Variants in ITGBL1 observed in about 807,000 individuals in gnomAD.
The protein encoded by ITGBL1 is integrin beta-like protein 1.
ITGBL1 carries 51 observed loss-of-function variants against 68.5 expected under a neutral mutation model. That is an observed-to-expected ratio of 0.74 (90% confidence interval 0.59 to 0.94). The LOEUF is 0.94. Ranked by LOEUF, ITGBL1 falls within the 40% of genes least tolerant of loss-of-function variation. The pLI, the probability that ITGBL1 is intolerant of heterozygous loss-of-function variation, is 0.00. For synonymous variants in ITGBL1, 209 were observed against 227.3 expected, an observed-to-expected ratio of 0.92 and a Z score of 0.72; for missense variants, 649 against 647.4, an observed-to-expected ratio of 1.00 and a Z score of -0.03.
intron 2 of ITGBL1, among the ~76,000 whole-genome samples, chr13:101,473,225 A>G (rs1413439975): frequency 6.6e-6 from 1 of 152,186 alleles, no homozygotes; most frequent in Non-Finnish European, 1.5e-5. Flanking sequence ...CCCGGTTTCA[A>G]TACCATATCA....
At chr13:101,664,887 C>T (rs1390194962) in intron 7 of ITGBL1, among the ~76,000 whole-genome samples, 3 of 152,222 alleles carry the variant, frequency 2.0e-5, no homozygotes, top group Admixed American at 1.3e-4. Context: ...GCACCCACCA[C>T]CACACTCAGC....
chr13:101,474,305 AAT>A lies in ITGBL1; in HGVS notation c.316+20206_316+20207del, dbSNP rs2048504360. Among the ~76,000 whole-genome samples, 10 of 151,938 alleles carry A rather than the reference AAT, an allele frequency of 6.6e-5. No individual in the cohort carries two copies. In the South Asian group the frequency reaches 2.1e-3, roughly 32 times the overall value. On this transcript the variant is annotated intron_variant, in intron 2 of 10. Transcript: ENST00000376180. ...ACATTGGTACCAAGCCTGGGGTGGT[AAT>A]GGCCATGGATAGACACTCTTTCTGA...
chr13:101,583,273 G>A lies in ITGBL1; in HGVS notation c.785G>A (p.Gly262Glu), dbSNP rs1158852212. The A allele has an allele frequency of 1.1e-5, 18 of 1,613,568 alleles. No individual in the cohort carries two copies. The highest frequency in any genetic ancestry group is 6.7e-5 in the African/African-American group (5 of 74,868). Reference protein sequence around the residue: ...CHDVDPTGDWGDIHGDTCECD... With the variant: ...CHDVDPTGDWEDIHGDTCECD... ...GATGTTGATCCGACTGGGGACTGGGGAGATATTCATGGGGACACCTGTGAA... is the reference window on the plus strand; with the variant it reads ...GATGTTGATCCGACTGGGGACTGGGAAGATATTCATGGGGACACCTGTGAA... The change falls in exon 6 of 11, where the codon GGA becomes GAA. Residue 262 changes from glycine (G) to glutamate (E), a missense_variant. Physicochemically the swap from Gly to Glu is moderately conservative, Grantham distance 98. Coordinates refer to ENST00000376180, the MANE Select transcript of ITGBL1 (RefSeq NM_004791.3).
chr13:101,593,174 A>G (rs1439896768), intron 6 of ITGBL1, among the ~76,000 whole-genome samples: 1 of 152,100 alleles, frequency 6.6e-6, no homozygotes, highest in African/African-American at 2.4e-5. Context: ...ACTAATTGTC[A>G]GGGAAATGCA....
intron 7 of ITGBL1, among the ~76,000 whole-genome samples, chr13:101,674,712 T>A (rs964034071): frequency 6.6e-6 from 1 of 152,054 alleles, no homozygotes; most frequent in Non-Finnish European, 1.5e-5. Flanking sequence ...TATTTCTGGG[T>A]TCAAAGTTCA....
chr13:101,713,740 A>G (rs2034586559), intron 9 of ITGBL1: 1 of 152,150 alleles, frequency 6.6e-6, no homozygotes, highest in African/African-American at 2.4e-5. Flanking sequence ...TTAAATAACC[A>G]AAGAGGAAGT....
intron 7 of ITGBL1, among the ~76,000 whole-genome samples, chr13:101,678,942 G>A (rs1052839376): frequency 1.3e-5 from 2 of 150,182 alleles, no homozygotes; most frequent in African/African-American, 2.5e-5. Context: ...TTTTGAGTTG[G>A]AGTCTCACTG....
At chr13:101,648,391 G>A (rs1208453448) in intron 7 of ITGBL1, among the ~76,000 whole-genome samples, 2 of 152,180 alleles carry the variant, frequency 1.3e-5, no homozygotes, top group Non-Finnish European at 2.9e-5. Context: ...CTCAAGTAGT[G>A]CGTTTAACAC....
At chr13:101,483,761 A>G (rs2048660819) in intron 2 of ITGBL1, among the ~76,000 whole-genome samples, 1 of 152,164 alleles carries the variant, frequency 6.6e-6, no homozygotes, top group South Asian at 2.1e-4. Context: ...CTTACCACAT[A>G]TTTTTGAAAT....
At chr13:101,539,122 T>C (rs1471496110) in intron 2 of ITGBL1, among the ~76,000 whole-genome samples, 1 of 148,228 alleles carries the variant, frequency 6.7e-6, no homozygotes, top group Non-Finnish European at 1.5e-5. Flanking sequence ...TACATATGTA[T>C]ACATCTGCTG....
Position 101,569,780 on chromosome 13 carries a change from G to T in ITGBL1, c.463+1935G>T, listed in dbSNP as rs543055222. 7.9e-5 allele frequency among the ~76,000 whole-genome samples: 12 copies of T among 152,230 alleles called. No individual in the cohort carries two copies. In the South Asian group the frequency reaches 2.5e-3, roughly 32 times the overall value. ...TAAAACACTAGAGAAATGGTTTTGT[G>T]TTCTCAAAATGTTTCATCTGGAAGC... On this transcript the variant is annotated intron_variant, in intron 3 of 10. Transcript: ENST00000376180.
intron 7 of ITGBL1, among the ~76,000 whole-genome samples, chr13:101,619,696 A>G (rs2031507708): frequency 6.6e-6 from 1 of 152,214 alleles, no homozygotes; most frequent in African/African-American, 2.4e-5. Flanking sequence ...ATTCTTTGGC[A>G]TAGTCAACAG....
intron 2 of ITGBL1, among the ~76,000 whole-genome samples, chr13:101,479,303 C>A (rs1594834707): frequency 6.6e-6 from 1 of 151,998 alleles, no homozygotes; most frequent in East Asian, 1.9e-4. Flanking sequence ...ATACAAAAAT[C>A]AAATCAAAAT....
intron 7 of ITGBL1, among the ~76,000 whole-genome samples, chr13:101,629,138 C>A (rs1182108995): frequency 6.6e-6 from 1 of 152,066 alleles, no homozygotes; most frequent in Admixed American, 6.6e-5. Context: ...TTTCTATATG[C>A]TTGATAAATC....
intron 2 of ITGBL1, among the ~76,000 whole-genome samples, chr13:101,472,886 A>G (rs1317674995): frequency 6.6e-6 from 1 of 152,194 alleles, no homozygotes; most frequent in African/African-American, 2.4e-5. Flanking sequence ...TAAGAATTAA[A>G]ACTCTAAAAA....
chr13:101,452,766 T>G lies in ITGBL1; in HGVS notation c.-68T>G. The G allele has an allele frequency of 7.6e-7, 1 of 1,310,482 alleles. No individual in the cohort carries two copies. The highest frequency in any genetic ancestry group is 1.1e-6 in the Non-Finnish European group (1 of 905,432). The allele number at this position is 1,310,482 out of a possible 1,614,324, so 81.2% of individuals were successfully genotyped here. ...ATCTGCTGGTGGCACCTCTCCCTCC[T>G]GCCGCCTCCCTCGGTGAACCCCACC... On this transcript the variant is annotated 5_prime_UTR_variant, in exon 1 of 11. Transcript: ENST00000376180.
Position 101,494,052 on chromosome 13 carries a change from T to A in ITGBL1, c.316+39952T>A, listed in dbSNP as rs140924925. ...ATTCAGCCACTTTGAGGAGACACAT[T>A]GTTTACCTGCCACTTGCTGTGATAA... On this transcript the variant is annotated intron_variant, in intron 2 of 10. Coordinates refer to ENST00000376180, the MANE Select transcript of ITGBL1 (RefSeq NM_004791.3). Among the ~76,000 whole-genome samples, 321 of 152,362 alleles carry A rather than the reference T, an allele frequency of 2.1e-3. 1 individual carries two copies. The highest frequency in any genetic ancestry group is 2.6e-3 in the Non-Finnish European group (177 of 68,030).
chr13:101,568,751 C>T (rs952522172), intron 3 of ITGBL1, among the ~76,000 whole-genome samples: 3 of 151,990 alleles, frequency 2.0e-5, no homozygotes, highest in Non-Finnish European at 2.9e-5. Flanking sequence ...GTTGGTAGGG[C>T]CCATCTCTAA....
At chr13:101,557,763 T>C (rs1594889173) in intron 2 of ITGBL1, among the ~76,000 whole-genome samples, 1 of 152,046 alleles carries the variant, frequency 6.6e-6, no homozygotes, top group Non-Finnish European at 1.5e-5. Context: ...TGTCATTTGG[T>C]GTGTCCGATG....
Sources: allele counts gnomAD v4.1 joint callset (sites outside exome capture counted in the v4.1 genomes callset), GRCh38; gene constraint gnomAD v4.1.1; transcripts MANE v1.5; gene names NCBI Gene and HGNC (gene_info 2026-07-23, HGNC 2026-07-21).